Variants in MYO6 observed in about 807,000 individuals in gnomAD.
MYO6 encodes the protein myosin VI, also known as unconventional myosin-VI.
MYO6 carries 74 observed loss-of-function variants against 178.7 expected under a neutral mutation model. The observed-to-expected ratio is 0.41, with a 90% CI of 0.34 to 0.50. The LOEUF is 0.50. Among genes scored for constraint, MYO6 ranks in the 20% least tolerant of loss-of-function variants. The pLI is 0.09. For missense variants in MYO6, 1,330 were observed against 1,547.4 expected, an observed-to-expected ratio of 0.86 and a Z score of 2.36; for synonymous variants, 477 against 504.6, an observed-to-expected ratio of 0.95 and a Z score of 0.73.
chr6:75,767,421 T>A (rs536632798), intron 1 of MYO6, among the ~76,000 whole-genome samples: 49 of 151,870 alleles, frequency 3.2e-4, no homozygotes, highest in African/African-American at 1.2e-3. Context: ...ATAATAAGAA[T>A]GAATATAAAA....
intron 1 of MYO6, among the ~76,000 whole-genome samples, chr6:75,749,691 C>T (rs1055973581): frequency 2.6e-5 from 4 of 152,188 alleles, no homozygotes; most frequent in African/African-American, 9.7e-5. Flanking sequence ...CCCTGGCTCC[C>T]AGGTAGAAGC....
At chr6:75,839,401 G>A (rs12211173) in intron 7 of MYO6, among the ~76,000 whole-genome samples, 19,765 of 151,852 alleles carry the variant, frequency 0.13, 1,355 homozygotes, top group Non-Finnish European at 0.15. Flanking sequence ...TGTTAGCCAG[G>A]ATGGTCTCGA....
intron 30 of MYO6, among the ~76,000 whole-genome samples, chr6:75,903,767 ATTAT>A (rs1277441581): frequency 6.6e-6 from 1 of 151,030 alleles, no homozygotes; most frequent in Admixed American, 6.6e-5. Flanking sequence ...TGATCCTGTC[ATTAT>A]GATGTTAGCT....
chr6:75,788,543 C>T (rs960914851), intron 1 of MYO6, among the ~76,000 whole-genome samples: 1 of 152,168 alleles, frequency 6.6e-6, no homozygotes, highest in African/African-American at 2.4e-5. Context: ...TATGTTCTCC[C>T]CACTAAACTG....
At chr6:75,847,545 C>CT (rs1351169221) in intron 10 of MYO6, among the ~76,000 whole-genome samples, 3 of 151,850 alleles carry the variant, frequency 2.0e-5, no homozygotes, top group African/African-American at 7.3e-5. Flanking sequence ...GGTATAGAGT[C>CT]TAACAAATGA....
chr6:75,780,499 AT>A (rs1766858605), intron 1 of MYO6, among the ~76,000 whole-genome samples: 1 of 152,182 alleles, frequency 6.6e-6, no homozygotes, highest in Non-Finnish European at 1.5e-5. Context: ...CTTGATATTA[AT>A]TTTTTTGTTC....
Position 75,916,577 on chromosome 6 carries a change from T to G in MYO6, c.*1565T>G, listed in dbSNP as rs1305032135. 1 of 152,634 alleles carries G rather than the reference T, an allele frequency of 6.6e-6. No homozygotes were observed. The highest frequency in any genetic ancestry group is 1.5e-5 in the Non-Finnish European group (1 of 68,038). 9.5% of individuals were successfully genotyped at this position (152,634 alleles called of 1,614,324 possible). ...TCCCTGTGATTGGGGACAGAAGGTG[T>G]AGCTACTGAAGTAAATGACCTATTC... On this transcript the variant is annotated 3_prime_UTR_variant, in exon 35 of 35. Coordinates refer to ENST00000369977, the MANE Select transcript of MYO6 (RefSeq NM_004999.4).
chr6:75,863,212 G>A (rs1379503618), intron 16 of MYO6, among the ~76,000 whole-genome samples: 1 of 152,146 alleles, frequency 6.6e-6, no homozygotes, highest in African/African-American at 2.4e-5. Context: ...ACTCGGAGTC[G>A]CAAGCAGCCA....
At chr6:75,757,083 ATATG>A (rs985768949) in intron 1 of MYO6, among the ~76,000 whole-genome samples, 1 of 146,656 alleles carries the variant, frequency 6.8e-6, no homozygotes, top group African/African-American at 2.5e-5. Context: ...GTGTGTATAT[ATATG>A]TATACGCAAT....
At chr6:75,907,845 A>G in intron 31 of MYO6, 137 bp downstream of exon 31, 1 of 691,932 alleles carries the variant, frequency 1.4e-6, no homozygotes. Context: ...TAATACCTAT[A>G]TTATCTGAAT....
chr6:75,855,644 A>C (rs140684885), intron 12 of MYO6, among the ~76,000 whole-genome samples: 4 of 152,178 alleles, frequency 2.6e-5, no homozygotes, highest in Non-Finnish European at 4.4e-5. Context: ...CACTTCAGCA[A>C]AATACTTAGC....
At chr6:75,831,603 T>A (rs1022097640) in intron 5 of MYO6, among the ~76,000 whole-genome samples, 7 of 152,162 alleles carry the variant, frequency 4.6e-5, no homozygotes, top group Non-Finnish European at 8.8e-5. Context: ...GAATGATTCT[T>A]TAAAAATGTG....
intron 1 of MYO6, among the ~76,000 whole-genome samples, chr6:75,808,026 C>T (rs566440954): frequency 6.6e-6 from 1 of 152,286 alleles, no homozygotes; most frequent in East Asian, 1.9e-4. Flanking sequence ...TCTTTATCTT[C>T]TATAGCTTCT....
At chr6:75,827,899 T>C (rs1452985632) in intron 3 of MYO6, among the ~76,000 whole-genome samples, 1 of 152,144 alleles carries the variant, frequency 6.6e-6, no homozygotes, top group African/African-American at 2.4e-5. Flanking sequence ...TTGTCTACTC[T>C]AGCAAGGCAT....
chr6:75,891,379 T>A, intron 27 of MYO6, 73 bp downstream of exon 27: 1 of 1,158,136 alleles, frequency 8.6e-7, no homozygotes, highest in Non-Finnish European at 1.3e-6. Flanking sequence ...ATGCCTGTAA[T>A]CCCAGCTCTT....
rs903083113 is a variant in MYO6, at chr6:75,894,584, TCA to T, written c.3108-644_3108-643del. On this transcript the variant is annotated intron_variant, in intron 28 of 34. Coordinates refer to ENST00000369977, the MANE Select transcript of MYO6 (RefSeq NM_004999.4). ...TTATGAATGATGTTCTATACAGATA[TCA>T]CATGTTTGATAGTTTAATCTTACTC... 1.1e-4 allele frequency among the ~76,000 whole-genome samples: 15 copies of T among 131,844 alleles called. No individual in the cohort carries two copies. In the South Asian group the frequency reaches 2.5e-3, roughly 22 times the overall value. 86.5% of individuals were successfully genotyped at this position (131,844 alleles called of 152,430 possible).
In MYO6 at chr6:75,907,654, G is replaced by T. The variant is rs373918901; in HGVS notation, c.3226G>T (p.Asp1076Tyr). 6.2e-7 allele frequency: 1 copy of T among 1,613,684 alleles called. No individual in the cohort carries two copies. Residue 1076 changes from aspartate (D) to tyrosine (Y), a missense_variant, in exon 31 of 35, where the codon GAT (aspartate) becomes TAT (tyrosine). Asp to Tyr is a radical substitution (Grantham distance 160, BLOSUM62 -3). Around this residue, in one of 3 missense-constraint regions of MYO6, gnomAD observed 601 missense variants for 626.1 expected, o/e 0.96. Coordinates refer to ENST00000369977, the MANE Select transcript of MYO6 (RefSeq NM_004999.4). Reference sequence around the variant, plus strand: ...AGCAGCTGCTGGTACTAAGAAATATGATCTTAGTAAATGGAAATATGCAGA... The same window carrying T: ...AGCAGCTGCTGGTACTAAGAAATATTATCTTAGTAAATGGAAATATGCAGA... The part of the protein sequence containing the change: ...TKAAAGTKKY[D>Y]LSKWKYAELR...
chr6:75,848,590 G>T, intron 11 of MYO6, 59 bp downstream of exon 11: 4 of 1,550,836 alleles, frequency 2.6e-6, no homozygotes, highest in Non-Finnish European at 3.5e-6. Flanking sequence ...TTATTTATTT[G>T]TCATATGAAA....
At chr6:75,870,590 A>T in intron 18 of MYO6, 57 bp from the exon 19 acceptor site, 1 of 1,366,344 alleles carries the variant, frequency 7.3e-7, no homozygotes, top group Non-Finnish European at 1.0e-6. Context: ...ATATTAACTC[A>T]TGACACTGTG....
Sources: gnomAD v4.1 joint callset for allele counts (sites outside exome capture counted in the v4.1 genomes callset) on GRCh38, gnomAD v4.1.1 for gene constraint, gnomAD v4.1.1 regional missense constraint, MANE v1.5 for transcripts, NCBI Gene and HGNC (gene_info 2026-07-23, HGNC 2026-07-21) for gene names.